Variants in ARFGEF2 observed in about 807,000 individuals in gnomAD.
ARFGEF2 encodes the protein brefeldin A-inhibited guanine nucleotide-exchange protein 2.
In ARFGEF2, 74 loss-of-function variants were observed where a neutral mutation model predicts 219.9. The observed-to-expected ratio is 0.34, with a 90% CI of 0.28 to 0.41. ARFGEF2 has a LOEUF of 0.41. Among genes scored for constraint, ARFGEF2 ranks in the 10% least tolerant of loss-of-function variants. ARFGEF2 has a pLI of 1.00. For missense variants in ARFGEF2, 1,743 were observed against 2,218.3 expected, an observed-to-expected ratio of 0.79 and a Z score of 4.30; for synonymous variants, 733 against 799.2, an observed-to-expected ratio of 0.92 and a Z score of 1.40.
intron 11 of ARFGEF2, 50 bp from the exon 12 acceptor site, chr20:48,973,095 C>G: frequency 1.2e-6 from 2 of 1,610,546 alleles, no homozygotes; most frequent in Non-Finnish European, 1.7e-6. Context: ...ATAAGAAAAC[C>G]TAACTGCTAT....
intron 23 of ARFGEF2, 153 bp from the exon 24 acceptor site, chr20:48,998,038 TTA>T: frequency 1.4e-6 from 1 of 692,018 alleles, no homozygotes; most frequent in Non-Finnish European, 2.6e-6. Flanking sequence ...TTTGTATTTT[TTA>T]TTAGAGACAA....
At chr20:48,949,943 G>C (rs1023102525) in intron 3 of ARFGEF2, among the ~76,000 whole-genome samples, 1 of 152,172 alleles carries the variant, frequency 6.6e-6, no homozygotes, top group Non-Finnish European at 1.5e-5. Flanking sequence ...TCAATATAAC[G>C]TGGATAGCTT....
At chr20:48,979,672 AG>A (rs1296708536) in intron 14 of ARFGEF2, among the ~76,000 whole-genome samples, 1 of 152,184 alleles carries the variant, frequency 6.6e-6, no homozygotes, top group Non-Finnish European at 1.5e-5. Flanking sequence ...TGGTCTATTC[AG>A]GGATTCAACT....
At position 48,972,435 on chromosome 20, in the gene ARFGEF2, C is replaced by T. The variant is rs376425302; in HGVS notation, c.1525+10C>T. 17 of 1,597,582 alleles carry T rather than the reference C, an allele frequency of 1.1e-5. No homozygotes were observed. The African/African-American group carries it at 2.0e-4, about 19-fold the overall frequency. ...ACGAGGATCTGTGCAGGTATTTCCA[C>T]CTGGGGACACTCATCCACTGGACTT... On this transcript the variant is annotated intron_variant, in intron 11 of 38. Transcript: ENST00000371917.
intron 8 of ARFGEF2, among the ~76,000 whole-genome samples, chr20:48,967,372 T>C (rs951756010): frequency 2.4e-4 from 36 of 152,250 alleles, no homozygotes; most frequent in African/African-American, 8.0e-4. Context: ...ATTATTCCAG[T>C]TTTATCATAG....
intron 1 of ARFGEF2, among the ~76,000 whole-genome samples, chr20:48,928,460 A>G (rs1429422295): frequency 7.2e-6 from 1 of 138,926 alleles, no homozygotes; most frequent in Non-Finnish European, 1.5e-5. Flanking sequence ...GGCCTCCCAA[A>G]GTGCTGGGAT....
At chr20:48,977,894 T>C (rs564866693) in intron 14 of ARFGEF2, among the ~76,000 whole-genome samples, 94 of 152,248 alleles carry the variant, frequency 6.2e-4, no homozygotes, top group African/African-American at 2.1e-3. Flanking sequence ...GTCAGATGGG[T>C]AGATTGCAAA....
intron 32 of ARFGEF2, 51 bp downstream of exon 32, chr20:49,017,438 T>C (rs1428877684): frequency 6.2e-7 from 1 of 1,613,684 alleles, no homozygotes; most frequent in Admixed American, 1.7e-5. Context: ...AGTGGATGTC[T>C]TAAAGCTCCT....
At chr20:48,996,402 C>T (rs1431535345) in intron 23 of ARFGEF2, among the ~76,000 whole-genome samples, 2 of 148,084 alleles carry the variant, frequency 1.4e-5, no homozygotes, top group Admixed American at 1.4e-4. Context: ...TTGCAGTGAG[C>T]GGAGATGGTG....
At chr20:48,999,362 A>G (rs2040252624) in intron 25 of ARFGEF2, 1 of 368,130 alleles carries the variant, frequency 2.7e-6, no homozygotes, top group Non-Finnish European at 5.3e-6. Context: ...AAGTTTTATT[A>G]TATACATACA....
At chr20:48,922,999 C>T (rs1413235990) in intron 1 of ARFGEF2, among the ~76,000 whole-genome samples, 1 of 152,170 alleles carries the variant, frequency 6.6e-6, no homozygotes, top group South Asian at 2.1e-4. Flanking sequence ...ATAAAGAGGG[C>T]TTGAGGACTG....
intron 8 of ARFGEF2, among the ~76,000 whole-genome samples, chr20:48,968,842 A>G (rs1455120676): frequency 2.0e-5 from 3 of 152,088 alleles, no homozygotes; most frequent in Non-Finnish European, 4.4e-5. Flanking sequence ...CATAGCTCCT[A>G]TTTTGTCATA....
At chr20:48,997,211 A>G (rs1286237278) in intron 23 of ARFGEF2, among the ~76,000 whole-genome samples, 1 of 151,890 alleles carries the variant, frequency 6.6e-6, no homozygotes, top group African/African-American at 2.4e-5. Context: ...TGTTAAATAG[A>G]TATTTTCTAG....
At chr20:48,945,694 A>G (rs565822267) in intron 3 of ARFGEF2, among the ~76,000 whole-genome samples, 5 of 152,284 alleles carry the variant, frequency 3.3e-5, no homozygotes, top group African/African-American at 1.2e-4. Flanking sequence ...CATCTCTACA[A>G]AGTAAAGTAA....
intron 9 of ARFGEF2, 72 bp downstream of exon 9, chr20:48,969,349 T>C: frequency 6.2e-7 from 1 of 1,611,978 alleles, no homozygotes; most frequent in African/African-American, 1.3e-5. Context: ...GTTTCACACT[T>C]CCCTTGTTCC....
chr20:48,953,491 G>A, intron 5 of ARFGEF2, 65 bp from the exon 6 acceptor site: 1 of 1,502,076 alleles, frequency 6.7e-7, no homozygotes, highest in Non-Finnish European at 9.3e-7. Flanking sequence ...AATTTTTTAA[G>A]TAATAGGCTG....
intron 23 of ARFGEF2, 126 bp from the exon 24 acceptor site, chr20:48,998,067 C>T (rs1019697960): frequency 3.7e-6 from 3 of 816,488 alleles, no homozygotes; most frequent in Non-Finnish European, 6.2e-6. Context: ...ACCATGTTGG[C>T]CAGGCTGGTT....
At chr20:48,994,365 T>G in intron 21 of ARFGEF2, 86 bp from the exon 22 acceptor site, 1 of 1,575,234 alleles carries the variant, frequency 6.3e-7, no homozygotes, top group Non-Finnish European at 8.7e-7. Flanking sequence ...TGAACCAACT[T>G]TTTTTTAATG....
chr20:48,953,106 A>G (rs1600604389), intron 5 of ARFGEF2, among the ~76,000 whole-genome samples: 1 of 146,896 alleles, frequency 6.8e-6, no homozygotes, highest in Non-Finnish European at 1.5e-5. Flanking sequence ...AAAGGAATTT[A>G]TTTCCTTTTA....
Sources: gnomAD v4.1 joint callset for allele counts (sites outside exome capture counted in the v4.1 genomes callset) on GRCh38, gnomAD v4.1.1 for gene constraint, MANE v1.5 for transcripts, NCBI Gene and HGNC (gene_info 2026-07-23, HGNC 2026-07-21) for gene names.